Variants in OSBP2 observed in about 807,000 individuals in gnomAD.
OSBP2 encodes the protein oxysterol-binding protein 2.
In OSBP2, 66 loss-of-function variants were observed where a neutral mutation model predicts 96.0. The observed-to-expected ratio is 0.69, with a 90% CI of 0.56 to 0.84. OSBP2 has a LOEUF of 0.84. OSBP2 is among the 40% of genes least tolerant of loss of function. The pLI is 0.00. For missense variants in OSBP2, 1,038 were observed against 1,222.7 expected, an observed-to-expected ratio of 0.85 and a Z score of 2.25; for synonymous variants, 525 against 520.9, an observed-to-expected ratio of 1.01 and a Z score of -0.11.
In OSBP2 at chr22:30,890,619, G is replaced by A. The variant is rs1569168780; in HGVS notation, c.1624-109G>A. 2.4e-6 allele frequency: 3 copies of A among 1,255,002 alleles called. No individual in the cohort carries two copies. Among genetic ancestry groups the A allele is most frequent in the Non-Finnish European group, 3.4e-6 (3 of 888,424 alleles). The allele number at this position is 1,255,002 out of a possible 1,614,324, so 77.7% of individuals were successfully genotyped here. On this transcript the variant is annotated intron_variant, in intron 7 of 13. Coordinates refer to ENST00000332585, the MANE Select transcript of OSBP2 (RefSeq NM_030758.4). This position sits in a 1 kb window ranked among gnomAD's most constrained non-coding sequence, Gnocchi z 4.4. ...ACAGGGCCATCTGAGGAGCCTCACT[G>A]TGAAGGTGCTGTCTGAGCAGGGATG...
intron 2 of OSBP2, among the ~76,000 whole-genome samples, chr22:30,786,868 G>A (rs1463106200): frequency 1.3e-5 from 2 of 151,962 alleles, no homozygotes; most frequent in Non-Finnish European, 2.9e-5. Context: ...GTGCAATCTC[G>A]GCTCACTGCA....
In OSBP2 at chr22:30,887,495, C is replaced by G. The variant is rs369396566; in HGVS notation, c.1177C>G (p.Gln393Glu). The G allele has an allele frequency of 2.5e-6, 4 of 1,613,792 alleles. No individual in the cohort carries two copies. The South Asian group carries it at 4.4e-5, about 18-fold the overall frequency. ...ATGGCAGCGGGCACTGCAGTATGAG[C>G]AGGAGCAGCGCGTGCACTTGGAGGA... ...RKWQRALQYE[Q>E]EQRVHLEETI... is the part of the protein sequence containing the mutation. The change falls in exon 4 of 14, where the codon CAG becomes GAG. Residue 393 changes from glutamine to glutamate, a missense_variant. Coordinates refer to ENST00000332585, the MANE Select transcript of OSBP2 (RefSeq NM_030758.4).
chr22:30,694,584 C>CG (rs11387475), upstream of OSBP2, among the ~76,000 whole-genome samples: 151,865 of 151,878 alleles, frequency 1, 75,926 homozygotes, highest in Middle Eastern at 1. Flanking sequence ...GCGCCTGGCA[C>CG]GGCTGGGCCG....
intron 1 of OSBP2, among the ~76,000 whole-genome samples, chr22:30,707,818 T>C (rs1353198628): frequency 6.7e-6 from 1 of 149,862 alleles, no homozygotes; most frequent in Non-Finnish European, 1.5e-5. Context: ...CGAGGGGGAG[T>C]CAATGAATTG....
intron 2 of OSBP2, among the ~76,000 whole-genome samples, chr22:30,866,207 C>T (rs1484441402): frequency 6.6e-6 from 1 of 152,158 alleles, no homozygotes; most frequent in Non-Finnish European, 1.5e-5. Flanking sequence ...TTTTGAGATG[C>T]GGATTCTCCT....
intron 2 of OSBP2, among the ~76,000 whole-genome samples, chr22:30,763,030 G>A (rs765228981): frequency 6.6e-6 from 1 of 152,180 alleles, no homozygotes; most frequent in Non-Finnish European, 1.5e-5. Context: ...CTTACCCACT[G>A]TGTGACCTTG....
intron 2 of OSBP2, among the ~76,000 whole-genome samples, chr22:30,752,212 C>T (rs533009083): frequency 4.7e-5 from 7 of 150,324 alleles, no homozygotes; most frequent in Non-Finnish European, 8.8e-5. Context: ...ATTTATGGCT[C>T]GAACTTGCCA....
chr22:30,902,151 A>AAAAAAC, intron 12 of OSBP2: 2 of 446,618 alleles, frequency 4.5e-6, no homozygotes, highest in Non-Finnish European at 3.8e-6. Context: ...AAAAAAAAAA[A>AAAAAAC]ACAGAGGGTC....
chr22:30,853,628 G>T (rs1230022995), intron 2 of OSBP2, among the ~76,000 whole-genome samples: 1 of 151,936 alleles, frequency 6.6e-6, no homozygotes, highest in Non-Finnish European at 1.5e-5. Context: ...GTGCTGAGAC[G>T]ATTTTAATAT....
At chr22:30,899,576 T>G (rs1037917023) in intron 12 of OSBP2, among the ~76,000 whole-genome samples, 2 of 152,110 alleles carry the variant, frequency 1.3e-5, no homozygotes, top group African/African-American at 4.8e-5. Context: ...TATTCCAATT[T>G]CATATAAAGT....
intron 5 of OSBP2, 91 bp downstream of exon 5, chr22:30,888,431 G>A (rs934116131): frequency 6.0e-5 from 50 of 837,918 alleles, no homozygotes; most frequent in African/African-American, 5.5e-4. Context: ...TCTACTTGGG[G>A]TTTTCTTTCC....
chr22:30,759,085 C>T (rs890094965), intron 2 of OSBP2, among the ~76,000 whole-genome samples: 17 of 152,220 alleles, frequency 1.1e-4, no homozygotes, highest in Admixed American at 3.9e-4. Context: ...AAGGGCCGGG[C>T]GCAGTGTAAC....
Position 30,763,647 on chromosome 22 carries a change from A to G in OSBP2, c.853+22278A>G, listed in dbSNP as rs527843870. Among the ~76,000 whole-genome samples the G allele has an allele frequency of 9.3e-4, 141 of 152,054 alleles. 4 individuals carry two copies. In the South Asian group the frequency reaches 0.028, roughly 30 times the overall value. On this transcript the variant is annotated intron_variant, in intron 2 of 13. Coordinates refer to ENST00000332585, the MANE Select transcript of OSBP2 (RefSeq NM_030758.4). ...GGCAACAGAGTGACAGAAAAAAAAA[A>G]AAAAACCCACAGGTCACCCAGTTTA... is the stretch of plus-strand genomic sequence containing the variant.
At chr22:30,767,107 A>G (rs551219841) in intron 2 of OSBP2, among the ~76,000 whole-genome samples, 26 of 145,820 alleles carry the variant, frequency 1.8e-4, no homozygotes, top group Admixed American at 1.7e-3. Flanking sequence ...AGCCTGGCCA[A>G]CACGGTGAAA....
At chr22:30,874,377 A>G (rs1462330735) in intron 3 of OSBP2, among the ~76,000 whole-genome samples, 1 of 152,088 alleles carries the variant, frequency 6.6e-6, no homozygotes, top group Non-Finnish European at 1.5e-5. Context: ...ACGCCACTGC[A>G]CTCCAGCCTG....
rs200097992 is a variant in OSBP2, at chr22:30,870,443, G to A, written c.868G>A (p.Asp290Asn). ...TTCTTCCACAGATGACTCTGGGGACGACGACGAGGCTACCACCCCAGCCGA... is the reference window on the plus strand; with the variant it reads ...TTCTTCCACAGATGACTCTGGGGACAACGACGAGGCTACCACCCCAGCCGA... ...MNTHSDDSGD[D>N]DEATTPADKS... Residue 290 changes from aspartate (D) to asparagine (N), a missense_variant, in exon 3 of 14, where the codon GAC becomes AAC. This residue lies in a region of OSBP2 where 737 missense variants were observed against 913.3 expected (regional missense o/e 0.81). Coordinates refer to ENST00000332585, the MANE Select transcript of OSBP2 (RefSeq NM_030758.4). This position sits in a 1 kb window ranked among gnomAD's most constrained non-coding sequence, Gnocchi z 4.1. 48 of 1,613,870 alleles carry A rather than the reference G, an allele frequency of 3.0e-5. 1 individual carries two copies. The East Asian group carries it at 8.5e-4, about 28-fold the overall frequency.
chr22:30,902,128 A>AC, intron 12 of OSBP2: 1 of 179,668 alleles, frequency 5.6e-6, no homozygotes, highest in Non-Finnish European at 9.8e-6. Flanking sequence ...AAAAAAACGA[A>AC]AAAAAAAAAA....
At chr22:30,828,790 G>A (rs2038458868) in intron 2 of OSBP2, among the ~76,000 whole-genome samples, 1 of 152,130 alleles carries the variant, frequency 6.6e-6, no homozygotes. Context: ...GAGAGGAGAC[G>A]GGGGAGAGGT....
At chr22:30,780,816 A>C (rs899829830) in intron 2 of OSBP2, among the ~76,000 whole-genome samples, 1 of 152,052 alleles carries the variant, frequency 6.6e-6, no homozygotes, top group African/African-American at 2.4e-5. Flanking sequence ...AACTGTTTAA[A>C]TTGAACTCCT....
Sources: gnomAD v4.1 joint callset for allele counts (sites outside exome capture counted in the v4.1 genomes callset) on GRCh38, gnomAD v4.1.1 for gene constraint, gnomAD v4.1.1 regional missense constraint, Gnocchi (gnomAD v3.1) non-coding constraint, MANE v1.5 for transcripts, NCBI Gene and HGNC (gene_info 2026-07-23, HGNC 2026-07-21) for gene names.